The following IFI44 variants were observed in gnomAD, a reference collection of about 807,000 sequenced individuals.
The protein encoded by IFI44 is interferon induced protein 44, also known as interferon-induced protein 44.
A neutral mutation model predicts 45.0 loss-of-function variants in IFI44; 42 were observed. The ratio of observed to expected loss-of-function variants is 0.93; its 90% CI spans 0.73 to 1.21. The LOEUF (loss-of-function observed/expected upper bound fraction) is 1.21. IFI44 is among the 50% of genes most tolerant of loss of function. The pLI is 0.00. For synonymous variants in IFI44, 221 were observed against 188.6 expected (o/e 1.17, Z -1.41); for missense variants, 623 against 525.8 (o/e 1.18, Z -1.81).
chr1:78,658,811 C>A (rs145312608), intron 5 of IFI44, among the ~76,000 whole-genome samples: 4 of 152,256 alleles, frequency 2.6e-5, no homozygotes, highest in African/African-American at 9.6e-5. Flanking sequence ...TGGCATTTTT[C>A]TGCTACAAAT....
At chr1:78,655,907 G>T (rs1262877755) in intron 5 of IFI44, among the ~76,000 whole-genome samples, 1 of 152,160 alleles carries the variant, frequency 6.6e-6, no homozygotes, top group Non-Finnish European at 1.5e-5. Flanking sequence ...AAATTTATAT[G>T]TTGAAGTCCC....
rs545365036 is a variant in IFI44 at position 78,655,280 on chromosome 1, A to G, written c.690+71A>G. 273 of 1,565,568 alleles carry G rather than the reference A, an allele frequency of 1.7e-4. No homozygotes were observed. In the African/African-American group the frequency reaches 3.3e-3, roughly 19 times the overall value. Reference sequence around the variant, plus strand: ...CAATTATATTTCAAAAGCCTTTTGCAGATCAACTTTATTACATATAGACTT... The same window carrying G: ...CAATTATATTTCAAAAGCCTTTTGCGGATCAACTTTATTACATATAGACTT... On this transcript the variant is annotated intron_variant, in intron 4 of 8. Coordinates refer to ENST00000370747, the MANE Select transcript of IFI44 (RefSeq NM_006417.5).
At chr1:78,662,921 G>C in intron 8 of IFI44, 43 bp downstream of exon 8, 1 of 1,612,794 alleles carries the variant, frequency 6.2e-7, no homozygotes, top group South Asian at 1.1e-5. Context: ...CGGTCAGGTA[G>C]TTGGCTACTT....
At position 78,650,715 on chromosome 1, in the gene IFI44, A is replaced by G. The variant is rs572096606; in HGVS notation, c.457+63A>G. 11 of 1,091,048 alleles carry G rather than the reference A, an allele frequency of 1.0e-5. No individual in the cohort carries two copies. In the African/African-American group the frequency reaches 1.6e-4, roughly 16 times the overall value. The allele number at this position is 1,091,048 out of a possible 1,614,324, so 67.6% of individuals were successfully genotyped here. A position where few individuals can be genotyped will look rare whatever the true frequency, so the allele number is the denominator to read the frequency against. The stretch of plus-strand genomic sequence containing the variant: ...TTGCATGTTTGGTAGGTTTGAACCA[A>G]TTCATCTCTTTAAGGAAAAATGAAC... On this transcript the variant is annotated intron_variant, in intron 2 of 8. Transcript: ENST00000370747.
chr1:78,662,503 A>G (rs992278481), intron 7 of IFI44: 11 of 543,920 alleles, frequency 2.0e-5, no homozygotes, highest in Admixed American at 3.3e-5. Context: ...CACTGCATGT[A>G]TTCCAAATTA....
intron 3 of IFI44, 54 bp from the exon 4 acceptor site, chr1:78,654,960 A>G (rs1349216332): frequency 1.6e-6 from 2 of 1,268,726 alleles, no homozygotes; most frequent in East Asian, 5.3e-5. Context: ...AATTTATAAT[A>G]AGGTTTTGCG....
chr1:78,661,374 AT>A (rs1489805274), intron 7 of IFI44, among the ~76,000 whole-genome samples: 2 of 151,606 alleles, frequency 1.3e-5, no homozygotes, highest in African/African-American at 2.4e-5. Flanking sequence ...TTTTTTTTCA[AT>A]TTTTTTTGAG....
chr1:78,659,831 T>A (rs1647352245), intron 6 of IFI44, among the ~76,000 whole-genome samples: 1 of 152,124 alleles, frequency 6.6e-6, no homozygotes, highest in Non-Finnish European at 1.5e-5. Flanking sequence ...TATTGACCAA[T>A]ATTGGGCCTT....
chr1:78,660,850 A>G (rs977952093), intron 7 of IFI44, 196 bp downstream of exon 7: 50 of 566,300 alleles, frequency 8.8e-5, no homozygotes, highest in African/African-American at 8.3e-4. Context: ...TAGTTCCAGG[A>G]CTTTGCATTG....
chr1:78,661,694 C>G (rs1404737491), intron 7 of IFI44, among the ~76,000 whole-genome samples: 1 of 151,748 alleles, frequency 6.6e-6, no homozygotes, highest in Non-Finnish European at 1.5e-5. Context: ...TATAATGAAA[C>G]AATGAAAAAT....
intron 2 of IFI44, among the ~76,000 whole-genome samples, chr1:78,653,334 T>C (rs1647152985): frequency 6.6e-6 from 1 of 152,184 alleles, no homozygotes; most frequent in South Asian, 2.1e-4. Flanking sequence ...ATTAAAGTTA[T>C]TTAAGACAGT....
chr1:78,650,219 A>T lies in IFI44; in HGVS notation c.24A>T (p.Thr8=), dbSNP rs1157050073. ...GTATGGCAGTGACAACTCGTTTGAC[A>T]TGGTTGCACGAAAAGATCCTGCAAA... MAVTTRL[T]WLHEKILQNH... is the part of the protein sequence containing the mutation. Residue 8 remains threonine (T), a synonymous_variant, in exon 2 of 9, where the codon ACA becomes ACT. Transcript: ENST00000370747. The T allele has an allele frequency of 6.2e-7, 1 of 1,605,312 alleles. No homozygotes were observed.
At chr1:78,652,374 C>A (rs1647138569) in intron 2 of IFI44, among the ~76,000 whole-genome samples, 1 of 152,240 alleles carries the variant, frequency 6.6e-6, no homozygotes, top group African/African-American at 2.4e-5. Context: ...AGCCACCGTG[C>A]CCGGCTGGAA....
rs116658312 is a variant in IFI44 at position 78,655,471 on chromosome 1, T to C, written c.800T>C (p.Ile267Thr). ...EKEGGLCRDD[I>T]FYILNGNIRD... ...GAAGGCGGCCTGTGCAGGGATGACA[T>C]ATTCTATATCTTGAACGGTAACATT... The change falls in exon 5 of 9, where the codon ATA (isoleucine) becomes ACA (threonine). Residue 267 changes from isoleucine (I) to threonine (T), a missense_variant. Coordinates refer to ENST00000370747, the MANE Select transcript of IFI44 (RefSeq NM_006417.5). 4 of 1,613,710 alleles carry C rather than the reference T, an allele frequency of 2.5e-6. No individual in the cohort carries two copies. Among genetic ancestry groups the C allele is most frequent in the Non-Finnish European group, 3.4e-6 (4 of 1,179,742 alleles).
chr1:78,654,010 G>A (rs1014648880), intron 2 of IFI44, among the ~76,000 whole-genome samples: 1 of 152,176 alleles, frequency 6.6e-6, no homozygotes, highest in African/African-American at 2.4e-5. Flanking sequence ...GAGATCTGCT[G>A]ATAGTACAGA....
At chr1:78,658,304 C>A (rs1026326428) in intron 5 of IFI44, among the ~76,000 whole-genome samples, 11 of 152,136 alleles carry the variant, frequency 7.2e-5, no homozygotes, top group African/African-American at 2.2e-4. Flanking sequence ...CTATCAGTAC[C>A]ATGAACAATC....
intron 5 of IFI44, among the ~76,000 whole-genome samples, chr1:78,659,027 T>G (rs530305494): frequency 6.6e-6 from 1 of 152,118 alleles, no homozygotes; most frequent in South Asian, 2.1e-4. Flanking sequence ...CTCTCTTATC[T>G]AGAACACTTT....
rs1252662175 is a variant in IFI44, at chr1:78,659,476, A to G, written c.1005A>G (p.Val335=). 6.2e-7 allele frequency: 1 copy of G among 1,611,714 alleles called. No individual in the cohort carries two copies. The highest frequency in any genetic ancestry group is 1.3e-5 in the African/African-American group (1 of 74,872). The change falls in exon 6 of 9, where the codon GTA becomes GTG. Residue 335 remains valine, a synonymous_variant. Transcript: ENST00000370747. ...TCAAAAGAATTCGAAGGGAGTTGGTAAACGCTGGTGAGTCTCATTCCACTT... is the reference window on the plus strand; with the variant it reads ...TCAAAAGAATTCGAAGGGAGTTGGTGAACGCTGGTGAGTCTCATTCCACTT... ...VKIKRIRREL[V]NAGVVHVALL...
intron 2 of IFI44, among the ~76,000 whole-genome samples, chr1:78,651,038 C>T: frequency 6.6e-6 from 1 of 152,134 alleles, no homozygotes; most frequent in Non-Finnish European, 1.5e-5. Context: ...ATTACAGTTT[C>T]CAAGAATCCA....
Sources: allele counts gnomAD v4.1 joint callset (sites outside exome capture counted in the v4.1 genomes callset), GRCh38; gene constraint gnomAD v4.1.1; transcripts MANE v1.5; gene names NCBI Gene and HGNC (gene_info 2026-07-23, HGNC 2026-07-21).